Variants in SDK2 observed in about 807,000 individuals in gnomAD.
SDK2 encodes sidekick cell adhesion molecule 2.
Under a neutral mutation model 253.9 loss-of-function variants are expected in SDK2, and 105 were observed. The observed-to-expected ratio is 0.41, with a 90% confidence interval of 0.35 to 0.49. The LOEUF (loss-of-function observed/expected upper bound fraction) is 0.49. SDK2 is among the 20% of genes least tolerant of loss of function. The probability of loss-of-function intolerance (pLI) is 0.06; values close to 1 mark genes in which losing one functional copy is unlikely to be tolerated. For synonymous variants in SDK2, 1,249 were observed against 1,234.9 expected (o/e 1.01, Z -0.24); for missense variants, 2,608 against 3,003.0 (o/e 0.87, Z 3.07).
intron 40 of SDK2, among the ~76,000 whole-genome samples, chr17:73,355,571 C>A (rs2062585466): frequency 6.6e-6 from 1 of 152,116 alleles, no homozygotes; most frequent in South Asian, 2.1e-4. Flanking sequence ...TGGTCTCGAT[C>A]TCCTGACCTC....
chr17:73,391,746 T>C (rs2062930106), intron 27 of SDK2, among the ~76,000 whole-genome samples: 1 of 152,208 alleles, frequency 6.6e-6, no homozygotes, highest in Non-Finnish European at 1.5e-5. Context: ...GCCCTCAAAA[T>C]AGGCATCATT....
At chr17:73,418,642 T>A (rs575035132) in intron 16 of SDK2, among the ~76,000 whole-genome samples, 6 of 152,334 alleles carry the variant, frequency 3.9e-5, no homozygotes, top group Non-Finnish European at 8.8e-5. Context: ...AACTTATGAA[T>A]ACCACATTTT....
intron 1 of SDK2, among the ~76,000 whole-genome samples, chr17:73,525,344 C>T (rs1230595086): frequency 2.0e-5 from 3 of 152,096 alleles, no homozygotes; most frequent in Non-Finnish European, 4.4e-5. Flanking sequence ...GGAGGGCAGG[C>T]CGGTAGCTAG....
At chr17:73,540,667 G>C (rs1334672845) in intron 1 of SDK2, among the ~76,000 whole-genome samples, 1 of 152,182 alleles carries the variant, frequency 6.6e-6, no homozygotes, top group Non-Finnish European at 1.5e-5. Flanking sequence ...TCACCAAAAG[G>C]TCCTTGGGCC....
intron 1 of SDK2, among the ~76,000 whole-genome samples, chr17:73,633,024 T>C (rs1029821826): frequency 3.3e-5 from 5 of 152,172 alleles, no homozygotes; most frequent in Non-Finnish European, 7.3e-5. Context: ...GGCTCACACC[T>C]GAAACCACAG....
chr17:73,483,879 GA>G (rs1455687119), intron 2 of SDK2, among the ~76,000 whole-genome samples: 1 of 150,838 alleles, frequency 6.6e-6, no homozygotes, highest in Non-Finnish European at 1.5e-5. Flanking sequence ...AGAAAGGAAT[GA>G]AAAACCACAG....
chr17:73,552,131 A>G (rs1444348286), intron 1 of SDK2, among the ~76,000 whole-genome samples: 5 of 151,944 alleles, frequency 3.3e-5, no homozygotes, highest in African/African-American at 9.7e-5. Flanking sequence ...TCTCTCTGAC[A>G]TAAAATATTG....
At chr17:73,549,246 GGCAATT>G (rs1210817878) in intron 1 of SDK2, among the ~76,000 whole-genome samples, 1 of 152,226 alleles carries the variant, frequency 6.6e-6, no homozygotes, top group African/African-American at 2.4e-5. Flanking sequence ...GAAGAGAGGA[GGCAATT>G]GCCTCCTCCT....
intron 2 of SDK2, among the ~76,000 whole-genome samples, chr17:73,490,128 C>G (rs1169912975): frequency 6.6e-6 from 1 of 152,200 alleles, no homozygotes; most frequent in Non-Finnish European, 1.5e-5. Context: ...CCGCCCTGCT[C>G]TCTGGGGTTG....
chr17:73,487,379 C>T (rs2063776230), intron 2 of SDK2, among the ~76,000 whole-genome samples: 1 of 152,172 alleles, frequency 6.6e-6, no homozygotes, highest in South Asian at 2.1e-4. Context: ...GACAGATGGA[C>T]CCCAATGCCA....
intron 6 of SDK2, among the ~76,000 whole-genome samples, chr17:73,439,915 T>G (rs1248353852): frequency 6.6e-6 from 1 of 152,042 alleles, no homozygotes; most frequent in Non-Finnish European, 1.5e-5. Context: ...TGCCATACAT[T>G]GTTTTGGGAG....
chr17:73,502,163 A>G (rs1420414834), intron 2 of SDK2, among the ~76,000 whole-genome samples: 1 of 152,204 alleles, frequency 6.6e-6, no homozygotes, highest in African/African-American at 2.4e-5. Flanking sequence ...AGACTTTCAG[A>G]GACTGGACAT....
At chr17:73,343,441 G>C (rs1021503591) in intron 44 of SDK2, among the ~76,000 whole-genome samples, 1 of 152,274 alleles carries the variant, frequency 6.6e-6, no homozygotes, top group South Asian at 2.1e-4. Context: ...AAGAAAGCGA[G>C]GGGGAGACCA....
chr17:73,393,127 C>T (rs1006397158), intron 27 of SDK2, among the ~76,000 whole-genome samples: 12 of 151,498 alleles, frequency 7.9e-5, no homozygotes, highest in Admixed American at 6.6e-4. Context: ...CGCCTGTAAT[C>T]CCAGCTGCTC....
chr17:73,399,334 G>T, intron 21 of SDK2, 45 bp from the exon 22 acceptor site: 1 of 1,609,964 alleles, frequency 6.2e-7, no homozygotes, highest in South Asian at 1.1e-5. Context: ...GGTGAGAATG[G>T]CCCCCCATGT....
At chr17:73,564,804 G>C (rs1426658444) in intron 1 of SDK2, among the ~76,000 whole-genome samples, 3 of 151,024 alleles carry the variant, frequency 2.0e-5, no homozygotes, top group Non-Finnish European at 4.4e-5. Flanking sequence ...CAGCTTGGGG[G>C]ACAGAGAGAG....
rs2063794333 is a variant in SDK2 at position 73,489,925 on chromosome 17, T to C, written c.224+17513A>G. Reference sequence around the variant, plus strand: ...TGTCATGCAGATTTCATTTTCTTTGTTAAAAAGGCCATTTTTAACATCAAA... The same window carrying C: ...TGTCATGCAGATTTCATTTTCTTTGCTAAAAAGGCCATTTTTAACATCAAA... On this transcript the variant is annotated intron_variant, in intron 2 of 44. Transcript: ENST00000392650. Among the ~76,000 whole-genome samples the C allele has an allele frequency of 2.6e-5, 4 of 152,216 alleles. No individual in the cohort carries two copies. The South Asian group carries it at 8.3e-4, about 32-fold the overall frequency.
At chr17:73,421,945 T>A (rs1245333884) in intron 15 of SDK2, among the ~76,000 whole-genome samples, 1 of 149,576 alleles carries the variant, frequency 6.7e-6, no homozygotes, top group African/African-American at 2.5e-5. Context: ...TCTGTGTAGA[T>A]CCTGTATCTC....
At chr17:73,630,109 G>T (rs2046249700) in intron 1 of SDK2, among the ~76,000 whole-genome samples, 2 of 152,238 alleles carry the variant, frequency 1.3e-5, no homozygotes, top group South Asian at 4.2e-4. Flanking sequence ...AAGTAGCTCA[G>T]CTCAGCCACC....
Sources: allele counts gnomAD v4.1 joint callset (sites outside exome capture counted in the v4.1 genomes callset), GRCh38; gene constraint gnomAD v4.1.1; transcripts MANE v1.5; gene names NCBI Gene and HGNC (gene_info 2026-07-23, HGNC 2026-07-21).